The following ADK variants were observed in gnomAD, a reference collection of about 807,000 sequenced individuals.
ADK encodes N6,N6-dimethyladenosine kinase.
Under a neutral mutation model 44.7 loss-of-function variants are expected in ADK, and 24 were observed. The observed-to-expected ratio is 0.54, with a 90% CI of 0.39 to 0.76. The LOEUF is 0.76. Ranked by LOEUF, ADK falls within the 30% of genes least tolerant of loss-of-function variation. The pLI, the probability that ADK is intolerant of heterozygous loss-of-function variation, is 0.00. For synonymous variants in ADK, 128 were observed against 142.6 expected, an observed-to-expected ratio of 0.90 and a Z score of 0.73; for missense variants, 321 against 425.1, an observed-to-expected ratio of 0.76 and a Z score of 2.15.
At chr10:74,567,188 T>TTTAA (rs1850700469) in intron 7 of ADK, among the ~76,000 whole-genome samples, 1 of 152,220 alleles carries the variant, frequency 6.6e-6, no homozygotes, top group African/African-American at 2.4e-5. Flanking sequence ...TGATTGTTCA[T>TTTAA]TTAAGTTCAT....
At chr10:74,152,589 T>C (rs1841633590) in intron 1 of ADK, among the ~76,000 whole-genome samples, 1 of 152,166 alleles carries the variant, frequency 6.6e-6, no homozygotes, top group African/African-American at 2.4e-5. Context: ...ACTGAACATA[T>C]AACCCTTAGA....
chr10:74,470,629 C>T (rs1442070333), intron 6 of ADK, among the ~76,000 whole-genome samples: 1 of 36,332 alleles, frequency 2.8e-5, no homozygotes, highest in Non-Finnish European at 8.7e-5. Context: ...GACAATTTTT[C>T]ATTTGGATTC....
chr10:74,684,114 A>G (rs1855710657), intron 10 of ADK, among the ~76,000 whole-genome samples: 1 of 152,256 alleles, frequency 6.6e-6, no homozygotes, highest in South Asian at 2.1e-4. Context: ...GTTGTGAAAC[A>G]CTAAGTAAAG....
intron 4 of ADK, among the ~76,000 whole-genome samples, chr10:74,318,799 AGATG>A (rs1840716176): frequency 6.6e-6 from 1 of 152,266 alleles, no homozygotes; most frequent in African/African-American, 2.4e-5. Context: ...GCTAAAAGAT[AGATG>A]GATATTTTTA....
intron 9 of ADK, among the ~76,000 whole-genome samples, chr10:74,613,813 A>C (rs1004220743): frequency 6.6e-6 from 1 of 152,182 alleles, no homozygotes; most frequent in South Asian, 2.1e-4. Context: ...ATCCCAACTC[A>C]AAATATTAAT....
intron 6 of ADK, among the ~76,000 whole-genome samples, chr10:74,498,825 A>C (rs1353145564): frequency 6.6e-6 from 1 of 152,184 alleles, no homozygotes; most frequent in African/African-American, 2.4e-5. Context: ...CAACAATGAT[A>C]GACTGGATTA....
chr10:74,252,031 T>C (rs745374309), intron 3 of ADK, among the ~76,000 whole-genome samples: 4 of 151,782 alleles, frequency 2.6e-5, no homozygotes, highest in Non-Finnish European at 4.4e-5. Flanking sequence ...AGGACTGATA[T>C]CTGACCAATA....
chr10:74,260,089 T>G (rs1307741612), intron 3 of ADK, among the ~76,000 whole-genome samples: 1 of 151,984 alleles, frequency 6.6e-6, no homozygotes, highest in Non-Finnish European at 1.5e-5. Flanking sequence ...TATGTGTACA[T>G]GGTTAACAAT....
At chr10:74,674,373 C>T (rs1235250428) in intron 10 of ADK, among the ~76,000 whole-genome samples, 1 of 152,150 alleles carries the variant, frequency 6.6e-6, no homozygotes, top group Non-Finnish European at 1.5e-5. Context: ...GTGGCTCACA[C>T]CTGAAATCCT....
At chr10:74,612,618 C>T (rs1461056811) in intron 9 of ADK, among the ~76,000 whole-genome samples, 1 of 152,056 alleles carries the variant, frequency 6.6e-6, no homozygotes, top group African/African-American at 2.4e-5. Flanking sequence ...TTTTGTTGTG[C>T]AGAAACTCTT....
intron 9 of ADK, among the ~76,000 whole-genome samples, chr10:74,600,938 A>G (rs973834984): frequency 6.6e-6 from 1 of 151,894 alleles, no homozygotes; most frequent in Non-Finnish European, 1.5e-5. Flanking sequence ...TAGCACTCAT[A>G]AAACAGGAAT....
chr10:74,356,242 T>A (rs1842144778), intron 4 of ADK, among the ~76,000 whole-genome samples: 1 of 151,544 alleles, frequency 6.6e-6, no homozygotes, highest in Admixed American at 6.6e-5. Context: ...ATGGTCTCGA[T>A]CTCCTGACCT....
At chr10:74,160,785 G>C (rs879350121) in intron 1 of ADK, among the ~76,000 whole-genome samples, 8 of 151,614 alleles carry the variant, frequency 5.3e-5, no homozygotes, top group Non-Finnish European at 1.0e-4. Flanking sequence ...TCGTATATGG[G>C]GGGAAATGGA....
At chr10:74,353,071 C>T (rs992240864) in intron 4 of ADK, among the ~76,000 whole-genome samples, 6 of 152,186 alleles carry the variant, frequency 3.9e-5, no homozygotes, top group African/African-American at 2.4e-5. Context: ...TGGGTATGTA[C>T]CCAAGGGATT....
At chr10:74,649,597 C>G (rs1223853735) in intron 9 of ADK, among the ~76,000 whole-genome samples, 5 of 151,890 alleles carry the variant, frequency 3.3e-5, no homozygotes, top group Non-Finnish European at 7.4e-5. Flanking sequence ...TGTACTCCAA[C>G]CTGGGCGACA....
intron 6 of ADK, among the ~76,000 whole-genome samples, chr10:74,479,940 A>T (rs556290425): frequency 2.0e-5 from 3 of 152,028 alleles, no homozygotes. Context: ...TAATTATCTT[A>T]TTAAATGTAA....
chr10:74,165,997 G>T (rs1842024436), intron 1 of ADK, among the ~76,000 whole-genome samples: 1 of 152,114 alleles, frequency 6.6e-6, no homozygotes, highest in South Asian at 2.1e-4. Context: ...GCCCAGGCTG[G>T]AGTGCAGTGG....
chr10:74,687,532 A>T (rs1158802544), intron 10 of ADK, among the ~76,000 whole-genome samples: 1 of 152,144 alleles, frequency 6.6e-6, no homozygotes, highest in Non-Finnish European at 1.5e-5. Flanking sequence ...GCTGGAAGTG[A>T]TTTTTCTTAA....
intron 6 of ADK, among the ~76,000 whole-genome samples, chr10:74,423,021 A>G (rs998584331): frequency 6.6e-6 from 1 of 151,986 alleles, no homozygotes; most frequent in Non-Finnish European, 1.5e-5. Context: ...GCCAAACAAG[A>G]TATGGATGTA....
Sources: gnomAD v4.1 joint callset for allele counts (sites outside exome capture counted in the v4.1 genomes callset) on GRCh38, gnomAD v4.1.1 for gene constraint, MANE v1.5 for transcripts, NCBI Gene and HGNC (gene_info 2026-07-23, HGNC 2026-07-21) for gene names.